CDH23: variants seen among roughly 807,000 people sequenced by gnomAD.
The protein encoded by CDH23 is cadherin-23.
A neutral mutation model predicts 317.1 loss-of-function variants in CDH23; 189 were observed. That is an observed-to-expected ratio of 0.60 (90% CI 0.53 to 0.67). The LOEUF (loss-of-function observed/expected upper bound fraction) is 0.67. Among genes scored for constraint, CDH23 ranks in the 30% least tolerant of loss-of-function variants. The probability of loss-of-function intolerance (pLI) is 0.00; values close to 1 mark genes in which losing one functional copy is unlikely to be tolerated. For missense variants in CDH23, 4,401 were observed against 4,592.4 expected, an observed-to-expected ratio of 0.96 and a Z score of 1.20; for synonymous variants, 1,839 against 1,876.8, an observed-to-expected ratio of 0.98 and a Z score of 0.52.
In CDH23 at chr10:71,451,223, C is replaced by G. The variant is rs182767762; in HGVS notation, c.145+4828C>G. Among the ~76,000 whole-genome samples the G allele has an allele frequency of 5.7e-3, 874 of 152,322 alleles. 8 individuals are homozygous for G. Among genetic ancestry groups the G allele is most frequent in the Non-Finnish European group, 8.8e-3 (599 of 68,020 alleles). On this transcript the variant is annotated intron_variant, in intron 3 of 69. Transcript: ENST00000224721. ...CACCAAGGTCCAAGCCCAGTTACCCCAGCAGCTTCCTCAGGTCTCAGTGTT... is the reference window on the plus strand; with the variant it reads ...CACCAAGGTCCAAGCCCAGTTACCCGAGCAGCTTCCTCAGGTCTCAGTGTT...
chr10:71,656,563 G>T (rs909460390), intron 14 of CDH23, among the ~76,000 whole-genome samples: 5 of 152,210 alleles, frequency 3.3e-5, no homozygotes, highest in African/African-American at 1.2e-4. Flanking sequence ...ATGGGATGGG[G>T]ATGAGTGATG....
intron 19 of CDH23, among the ~76,000 whole-genome samples, chr10:71,689,157 GA>G (rs1564734161): frequency 2.0e-5 from 3 of 148,200 alleles, no homozygotes; most frequent in Admixed American, 6.8e-5. Flanking sequence ...TGGAGTCAGG[GA>G]TGGTGGAGTC....
At chr10:71,437,763 T>C (rs954353529) in intron 1 of CDH23, among the ~76,000 whole-genome samples, 4 of 152,186 alleles carry the variant, frequency 2.6e-5, no homozygotes, top group African/African-American at 4.8e-5. Flanking sequence ...TAGTTTTTCA[T>C]TGAGAAAAAT....
chr10:71,612,902 G>A (rs1365332616), intron 9 of CDH23, among the ~76,000 whole-genome samples: 4 of 152,252 alleles, frequency 2.6e-5, no homozygotes, highest in Non-Finnish European at 5.9e-5. Context: ...AGGCTGGAGT[G>A]CAGTGGTGTG....
chr10:71,556,509 G>A (rs938753453), intron 6 of CDH23, among the ~76,000 whole-genome samples: 2 of 152,010 alleles, frequency 1.3e-5, no homozygotes, highest in African/African-American at 4.8e-5. Context: ...GCTGAGGCAG[G>A]AGAATTGCTT....
chr10:71,675,009 C>T, intron 14 of CDH23, 103 bp from the exon 15 acceptor site: 1 of 1,058,352 alleles, frequency 9.4e-7, no homozygotes, highest in South Asian at 1.3e-5. Context: ...TCAGAAAATT[C>T]ACCCTGGGCC....
At chr10:71,691,658 A>T (rs1865188821) in intron 20 of CDH23, among the ~76,000 whole-genome samples, 1 of 152,184 alleles carries the variant, frequency 6.6e-6, no homozygotes, top group Non-Finnish European at 1.5e-5. Flanking sequence ...AAAAGAGAGC[A>T]TGGGTTGTCA....
intron 9 of CDH23, among the ~76,000 whole-genome samples, chr10:71,582,830 G>A (rs891043478): frequency 1.2e-4 from 19 of 152,172 alleles, no homozygotes; most frequent in Admixed American, 4.6e-4. Context: ...CACCATCTTC[G>A]CCCTGGGAAC....
intron 7 of CDH23, among the ~76,000 whole-genome samples, 181 bp downstream of exon 7, chr10:71,567,117 C>T (rs1205464425): frequency 6.6e-6 from 1 of 152,124 alleles, no homozygotes; most frequent in Non-Finnish European, 1.5e-5. Flanking sequence ...GTGCTGTGTC[C>T]CTGGCACCGT....
chr10:71,604,196 C>G (rs1860397333), intron 9 of CDH23, among the ~76,000 whole-genome samples: 1 of 152,180 alleles, frequency 6.6e-6, no homozygotes, highest in South Asian at 2.1e-4. Flanking sequence ...GCAGGAGGAT[C>G]CCTTGAGCCC....
At chr10:71,548,390 A>G (rs1024465390) in intron 6 of CDH23, among the ~76,000 whole-genome samples, 1 of 152,112 alleles carries the variant, frequency 6.6e-6, no homozygotes, top group Non-Finnish European at 1.5e-5. Context: ...ACAGAGCCTG[A>G]CAGCTGCCTC....
chr10:71,439,125 C>T (rs56367337), intron 1 of CDH23, among the ~76,000 whole-genome samples: 47,874 of 151,916 alleles, frequency 0.32, 7,779 homozygotes, highest in Middle Eastern at 0.45. Context: ...CAACTGAGCC[C>T]CCGATCTCAC....
At chr10:71,811,270 G>A in intron 62 of CDH23, 45 bp from the exon 63 acceptor site, 2 of 1,613,220 alleles carry the variant, frequency 1.2e-6, no homozygotes, top group South Asian at 2.2e-5. Context: ...TCGGTGGTGG[G>A]GGAATGGCTG....
chr10:71,697,259 G>A (rs772362336), intron 22 of CDH23, among the ~76,000 whole-genome samples: 24 of 152,164 alleles, frequency 1.6e-4, no homozygotes, highest in African/African-American at 3.4e-4. Context: ...GAGCAGGCAT[G>A]GACAATGGAC....
At chr10:71,557,592 A>T (rs959855233) in intron 6 of CDH23, among the ~76,000 whole-genome samples, 5 of 152,204 alleles carry the variant, frequency 3.3e-5, no homozygotes, top group African/African-American at 1.2e-4. Context: ...AAAAGTGTTC[A>T]TGGGAATTTT....
chr10:71,543,596 C>T (rs1856106076), intron 6 of CDH23, among the ~76,000 whole-genome samples: 1 of 152,208 alleles, frequency 6.6e-6, no homozygotes, highest in South Asian at 2.1e-4. Flanking sequence ...ATTTTTTTTC[C>T]ATCAGCAATC....
chr10:71,628,356 G>A (rs1446552015), intron 11 of CDH23, among the ~76,000 whole-genome samples: 1 of 152,230 alleles, frequency 6.6e-6, no homozygotes, highest in Non-Finnish European at 1.5e-5. Context: ...CAGAGGGAGA[G>A]GCAAGGCATT....
intron 27 of CDH23, 107 bp from the exon 28 acceptor site, chr10:71,712,558 C>G: frequency 7.7e-7 from 1 of 1,306,826 alleles, no homozygotes; most frequent in Non-Finnish European, 1.1e-6. Context: ...GCAGATGGGG[C>G]GGAACAGGGC....
At chr10:71,433,979 A>T (rs971767449) in intron 1 of CDH23, among the ~76,000 whole-genome samples, 6 of 152,060 alleles carry the variant, frequency 3.9e-5, no homozygotes, top group Middle Eastern at 3.4e-3. Flanking sequence ...GTTTCCTCAC[A>T]ATCAGTGGCC....
Sources: allele counts gnomAD v4.1 joint callset (sites outside exome capture counted in the v4.1 genomes callset), GRCh38; gene constraint gnomAD v4.1.1; transcripts MANE v1.5; gene names NCBI Gene and HGNC (gene_info 2026-07-23, HGNC 2026-07-21).